The following CPLX2 variants were observed in gnomAD, a reference collection of about 807,000 sequenced individuals.
The protein encoded by CPLX2 is complexin 2, also known as complexin-2.
In CPLX2, 5 loss-of-function variants were observed where a neutral mutation model predicts 16.3. That is an observed-to-expected ratio of 0.31 (90% CI 0.16 to 0.64). The LOEUF (loss-of-function observed/expected upper bound fraction) is 0.64, where lower values mean the gene tolerates loss of function less well. Ranked by LOEUF, CPLX2 falls within the 30% of genes least tolerant of loss-of-function variation. The pLI is 0.79. For synonymous variants in CPLX2, 89 were observed against 73.2 expected, an observed-to-expected ratio of 1.22 and a Z score of -1.10; for missense variants, 144 against 181.4, an observed-to-expected ratio of 0.79 and a Z score of 1.18.
intron 2 of CPLX2, among the ~76,000 whole-genome samples, chr5:175,862,205 C>T (rs1389679431): frequency 6.6e-6 from 1 of 152,128 alleles, no homozygotes; most frequent in Non-Finnish European, 1.5e-5. Flanking sequence ...TATGTGTTTG[C>T]TAAGTAAAGG....
At chr5:175,865,291 T>C (rs1759452700) in intron 2 of CPLX2, among the ~76,000 whole-genome samples, 1 of 152,198 alleles carries the variant, frequency 6.6e-6, no homozygotes, top group Non-Finnish European at 1.5e-5. Flanking sequence ...GCAAGATCTG[T>C]TTTGTGGGCC....
intron 3 of CPLX2, 193 bp from the exon 4 acceptor site, chr5:175,879,655 A>T: frequency 1.4e-6 from 1 of 702,592 alleles, no homozygotes; most frequent in Non-Finnish European, 2.6e-6. Context: ...AGGAAACCCC[A>T]CGTATGGTCT....
intron 2 of CPLX2, among the ~76,000 whole-genome samples, chr5:175,854,894 C>T (rs1057307366): frequency 6.6e-6 from 1 of 152,214 alleles, no homozygotes; most frequent in African/African-American, 2.4e-5. Context: ...ATGGGCCAGG[C>T]GCTGTGCCAA....
At position 175,880,276 on chromosome 5, in the gene CPLX2, C is replaced by G. The variant is rs1755547015; in HGVS notation, c.*231C>G. 1.6e-6 allele frequency: 1 copy of G among 636,908 alleles called. No individual in the cohort carries two copies. The highest frequency in any genetic ancestry group is 1.8e-5 in the African/African-American group (1 of 54,926). The allele number at this position is 636,908 out of a possible 1,614,324, so 39.5% of individuals were successfully genotyped here. A position where few individuals can be genotyped will look rare whatever the true frequency, so the allele number is the denominator to read the frequency against. On this transcript the variant is annotated 3_prime_UTR_variant, in exon 4 of 4. Coordinates refer to ENST00000393745, the MANE Select transcript of CPLX2 (RefSeq NM_001008220.2). ...GCTTGAAAAAGGGAGGACAGTCTTT[C>G]CCCAGCAGGGGTCAGGGGGGCCCCT... is the stretch of plus-strand genomic sequence containing the variant.
chr5:175,801,370 CAAG>C (rs1758094420), intron 1 of CPLX2, among the ~76,000 whole-genome samples: 1 of 152,068 alleles, frequency 6.6e-6, no homozygotes, highest in Non-Finnish European at 1.5e-5. Context: ...GGAACAGAGA[CAAG>C]AAGATTTAAG....
At chr5:175,860,516 A>AAGAAAGAAAGAAAGAAAG (rs1554121240) in intron 2 of CPLX2, among the ~76,000 whole-genome samples, 2 of 21,362 alleles carry the variant, frequency 9.4e-5, no homozygotes, top group African/African-American at 5.3e-4. Context: ...GAAAGAAAGA[A>AAGAAAGAAAGAAAGAAAG]AAAGAAAGAA....
intron 2 of CPLX2, among the ~76,000 whole-genome samples, chr5:175,846,780 TC>T (rs1315120980): frequency 1.3e-5 from 2 of 152,160 alleles, no homozygotes; most frequent in African/African-American, 4.8e-5. Context: ...GTCTTCTCTG[TC>T]TGAAAAGTTT....
At chr5:175,858,771 C>A (rs1759307219) in intron 2 of CPLX2, among the ~76,000 whole-genome samples, 1 of 152,246 alleles carries the variant, frequency 6.6e-6, no homozygotes, top group South Asian at 2.1e-4. Context: ...TGATTGTGCT[C>A]TTTTCCTTGC....
chr5:175,835,861 C>G (rs1310983272), intron 2 of CPLX2, among the ~76,000 whole-genome samples: 1 of 150,392 alleles, frequency 6.6e-6, no homozygotes, highest in Non-Finnish European at 1.5e-5. Flanking sequence ...GCCTCAGCCT[C>G]CTGAGTAACT....
intron 2 of CPLX2, among the ~76,000 whole-genome samples, chr5:175,839,511 C>T (rs549640308): frequency 7.2e-5 from 11 of 152,340 alleles, no homozygotes; most frequent in Admixed American, 3.9e-4. Flanking sequence ...TCTCGAACTC[C>T]TGACCTCAGG....
chr5:175,816,993 T>G (rs1758419738), intron 2 of CPLX2, among the ~76,000 whole-genome samples: 1 of 152,240 alleles, frequency 6.6e-6, no homozygotes, highest in South Asian at 2.1e-4. Context: ...GTGTCCATGG[T>G]GACCCAAGAG....
At chr5:175,861,296 A>G (rs77244156) in intron 2 of CPLX2, among the ~76,000 whole-genome samples, 2,333 of 152,292 alleles carry the variant, frequency 0.015, 55 homozygotes, top group African/African-American at 0.053. Context: ...GCAGCTTAGG[A>G]TCCAGCAGCA....
At chr5:175,861,701 G>A (rs1048435811) in intron 2 of CPLX2, 1 of 152,320 alleles carries the variant, frequency 6.6e-6, no homozygotes, top group East Asian at 1.9e-4. Context: ...GGACCCAGGT[G>A]GGGACAGAGC....
intron 2 of CPLX2, among the ~76,000 whole-genome samples, chr5:175,826,829 C>T (rs540679299): frequency 6.6e-6 from 1 of 152,328 alleles, no homozygotes; most frequent in South Asian, 2.1e-4. Context: ...AGCTGGTCAA[C>T]ACACTCAGTT....
chr5:175,831,171 T>A (rs868077805), intron 2 of CPLX2, among the ~76,000 whole-genome samples: 10 of 152,194 alleles, frequency 6.6e-5, no homozygotes, highest in Middle Eastern at 3.2e-3. Flanking sequence ...GGTGTAAGTA[T>A]GCATCAGTGT....
intron 2 of CPLX2, among the ~76,000 whole-genome samples, chr5:175,831,852 G>A (rs1581081473): frequency 6.6e-6 from 1 of 152,246 alleles, no homozygotes; most frequent in East Asian, 1.9e-4. Flanking sequence ...GTGAGGAGAT[G>A]GGCGACATTT....
In CPLX2 at chr5:175,830,038, G is replaced by A. The variant is rs55694522; in HGVS notation, c.-89+20970G>A. Among the ~76,000 whole-genome samples, 8,513 of 152,270 alleles carry A rather than the reference G, an allele frequency of 0.056. 273 individuals are homozygous for A. The highest frequency in any genetic ancestry group is 0.12 in the Middle Eastern group (35 of 294). On this transcript the variant is annotated intron_variant, in intron 2 of 4. Coordinates refer to the CPLX2 transcript ENST00000359546. This position sits in a 1 kb window ranked among gnomAD's most constrained non-coding sequence, Gnocchi z 4.0. Reference sequence around the variant, plus strand: ...AGCCAGTCACAGGTCACTGCCTAGCGGTCTCTCTCATCCACCAGCGTGGCT... The same window carrying A: ...AGCCAGTCACAGGTCACTGCCTAGCAGTCTCTCTCATCCACCAGCGTGGCT...
chr5:175,861,127 G>C (rs748528158), intron 2 of CPLX2, among the ~76,000 whole-genome samples: 2 of 152,164 alleles, frequency 1.3e-5, no homozygotes, highest in Non-Finnish European at 2.9e-5. Flanking sequence ...GGACCTCAAA[G>C]GCCATGGGCC....
At chr5:175,844,665 G>A (rs1013467705) in intron 2 of CPLX2, among the ~76,000 whole-genome samples, 1 of 152,260 alleles carries the variant, frequency 6.6e-6, no homozygotes, top group Non-Finnish European at 1.5e-5. Flanking sequence ...GGCCGAGGGA[G>A]CAGCAAGTGC....
Sources: gnomAD v4.1 joint callset for allele counts (sites outside exome capture counted in the v4.1 genomes callset) on GRCh38, gnomAD v4.1.1 for gene constraint, Gnocchi (gnomAD v3.1) non-coding constraint, MANE v1.5 for transcripts, NCBI Gene and HGNC (gene_info 2026-07-23, HGNC 2026-07-21) for gene names.